The following DTD1 variants were observed in gnomAD, a reference collection of about 807,000 sequenced individuals.
The protein encoded by DTD1 is D-aminoacyl-tRNA deacylase 1, also known as D-tyrosyl-tRNA deacylase 1 homolog.
DTD1 carries 13 observed loss-of-function variants against 25.6 expected under a neutral mutation model. The observed-to-expected ratio is 0.51, with a 90% CI of 0.33 to 0.81. The LOEUF is 0.81. Ranked by LOEUF, DTD1 falls within the 30% of genes least tolerant of loss-of-function variation. DTD1 has a pLI of 0.02. For synonymous variants in DTD1, 110 were observed against 103.6 expected, an observed-to-expected ratio of 1.06 and a Z score of -0.37; for missense variants, 193 against 266.4, an observed-to-expected ratio of 0.72 and a Z score of 1.92.
chr20:18,715,653 G>T (rs1474159144), intron 4 of DTD1, among the ~76,000 whole-genome samples: 1 of 152,148 alleles, frequency 6.6e-6, no homozygotes, highest in Non-Finnish European at 1.5e-5. Flanking sequence ...GAAACTCTGG[G>T]ATTTTCTGTG....
At chr20:18,733,057 A>C (rs2061244121) in intron 4 of DTD1, among the ~76,000 whole-genome samples, 1 of 152,160 alleles carries the variant, frequency 6.6e-6, no homozygotes, top group Non-Finnish European at 1.5e-5. Context: ...TTTGTTTAGG[A>C]GGTCCTTCCA....
intron 4 of DTD1, among the ~76,000 whole-genome samples, chr20:18,649,420 C>T (rs1024169606): frequency 7.2e-6 from 1 of 138,286 alleles, no homozygotes; most frequent in Non-Finnish European, 1.5e-5. Context: ...CTCACTGCAA[C>T]ATCCGCCTCC....
chr20:18,636,378 G>A (rs1030372873), intron 4 of DTD1, among the ~76,000 whole-genome samples: 11 of 152,304 alleles, frequency 7.2e-5, no homozygotes, highest in African/African-American at 2.6e-4. Flanking sequence ...AAAATGTTCT[G>A]CCAGTCAGTG....
At chr20:18,685,062 G>A (rs192649494) in intron 4 of DTD1, among the ~76,000 whole-genome samples, 97 of 152,128 alleles carry the variant, frequency 6.4e-4, no homozygotes, top group Middle Eastern at 3.4e-3. Context: ...CCATGCCCTG[G>A]CATATTTAAA....
intron 4 of DTD1, among the ~76,000 whole-genome samples, chr20:18,708,276 TAATATA>T (rs2061140579): frequency 7.6e-5 from 1 of 13,086 alleles, no homozygotes; most frequent in Non-Finnish European, 1.9e-4. Context: ...TATATATATA[TAATATA>T]TATTATATAT....
intron 3 of DTD1, among the ~76,000 whole-genome samples, chr20:18,625,472 C>A (rs2060753823): frequency 6.6e-6 from 1 of 152,202 alleles, no homozygotes; most frequent in Non-Finnish European, 1.5e-5. Context: ...ACTGGCCCAG[C>A]CTCTGGGGCA....
chr20:18,628,274 C>T, intron 4 of DTD1, 41 bp downstream of exon 4: 1 of 1,500,186 alleles, frequency 6.7e-7, no homozygotes, highest in Non-Finnish European at 9.3e-7. Context: ...CCCTTGGGTG[C>T]CTGTAACATC....
At chr20:18,606,461 A>G (rs2047479082) in intron 3 of DTD1, among the ~76,000 whole-genome samples, 1 of 127,850 alleles carries the variant, frequency 7.8e-6, no homozygotes, top group South Asian at 2.6e-4. Flanking sequence ...TCATGCTGCT[A>G]TAAAGACACA....
chr20:18,601,379 A>G (rs2060633572), intron 3 of DTD1, among the ~76,000 whole-genome samples: 2 of 151,876 alleles, frequency 1.3e-5, no homozygotes, highest in African/African-American at 4.8e-5. Context: ...CGCACCTGTA[A>G]TCCCAGTTAC....
intron 4 of DTD1, among the ~76,000 whole-genome samples, chr20:18,690,486 TTAA>T (rs1209286316): frequency 6.6e-6 from 1 of 152,230 alleles, no homozygotes; most frequent in Non-Finnish European, 1.5e-5. Flanking sequence ...GGTCTTACAT[TTAA>T]ATCTTAATCC....
At chr20:18,756,676 TGTA>T in intron 5 of DTD1, among the ~76,000 whole-genome samples, 1 of 152,118 alleles carries the variant, frequency 6.6e-6, no homozygotes, top group Non-Finnish European at 1.5e-5. Flanking sequence ...ACTGTAGCCT[TGTA>T]GTATAGTTTG....
At chr20:18,740,380 G>C (rs1226272634) in intron 4 of DTD1, among the ~76,000 whole-genome samples, 1 of 151,358 alleles carries the variant, frequency 6.6e-6, no homozygotes, top group East Asian at 1.9e-4. Flanking sequence ...AGGGCATCTT[G>C]CTTTTTAAAA....
At chr20:18,707,242 A>AT (rs1448977500) in intron 4 of DTD1, among the ~76,000 whole-genome samples, 1 of 152,254 alleles carries the variant, frequency 6.6e-6, no homozygotes, top group Non-Finnish European at 1.5e-5. Flanking sequence ...AATAAAGCAC[A>AT]TGATCATCAA....
chr20:18,728,537 C>T (rs1420394621), intron 4 of DTD1, among the ~76,000 whole-genome samples: 1 of 152,188 alleles, frequency 6.6e-6, no homozygotes, highest in African/African-American at 2.4e-5. Context: ...TCTGCCATTG[C>T]TGCTCCCAGG....
At chr20:18,748,387 A>G (rs2061309040) in intron 5 of DTD1, among the ~76,000 whole-genome samples, 1 of 152,192 alleles carries the variant, frequency 6.6e-6, no homozygotes, top group Non-Finnish European at 1.5e-5. Flanking sequence ...ATGACGGGGT[A>G]TTGAGTTTTG....
At chr20:18,638,192 CATCCATCCATCCATCCATCCATCT>C (rs869115258) in intron 4 of DTD1, among the ~76,000 whole-genome samples, 2 of 37,664 alleles carry the variant, frequency 5.3e-5, no homozygotes, top group Non-Finnish European at 1.4e-4. Flanking sequence ...TCCATCCATC[CATCCATCCATCCATCCATCCATCT>C]ATCCATCCAC....
At chr20:18,676,089 C>G (rs574645188) in intron 4 of DTD1, among the ~76,000 whole-genome samples, 13 of 152,248 alleles carry the variant, frequency 8.5e-5, no homozygotes, top group African/African-American at 2.6e-4. Flanking sequence ...AGTTTTTCCT[C>G]TTAGGAGCAG....
intron 4 of DTD1, among the ~76,000 whole-genome samples, chr20:18,655,919 G>A (rs182000857): frequency 4.6e-5 from 7 of 152,064 alleles, no homozygotes; most frequent in African/African-American, 7.2e-5. Flanking sequence ...ACAGGCATGC[G>A]CCACCACACC....
intron 4 of DTD1, among the ~76,000 whole-genome samples, chr20:18,634,119 A>G (rs1040790): frequency 0.51 from 77,432 of 152,066 alleles, 20,088 homozygotes; most frequent in Middle Eastern, 0.58. Context: ...GCTTATTATT[A>G]CCTAGTGCAT....
Sources: allele counts gnomAD v4.1 joint callset (sites outside exome capture counted in the v4.1 genomes callset), GRCh38; gene constraint gnomAD v4.1.1; transcripts MANE v1.5; gene names NCBI Gene and HGNC (gene_info 2026-07-23, HGNC 2026-07-21).